ASAP1: variants seen among roughly 807,000 people sequenced by gnomAD.
ASAP1 encodes arf-GAP with SH3 domain, ANK repeat and PH domain-containing protein 1.
Under a neutral mutation model 145.2 loss-of-function variants are expected in ASAP1, and 43 were observed. The observed-to-expected ratio is 0.30, with a 90% CI of 0.23 to 0.38. The LOEUF is 0.38. Among genes scored for constraint, ASAP1 ranks in the 10% least tolerant of loss-of-function variants. The pLI, the probability that ASAP1 is intolerant of heterozygous loss-of-function variation, is 1.00. For synonymous variants in ASAP1, 546 were observed against 515.5 expected (o/e 1.06, Z -0.80); for missense variants, 1,018 against 1,355.3 (o/e 0.75, Z 3.91).
chr8:130,065,881 T>C (rs1167802996), intron 27 of ASAP1, among the ~76,000 whole-genome samples: 4 of 152,188 alleles, frequency 2.6e-5, no homozygotes, highest in East Asian at 1.9e-4. Context: ...TATTGGACCT[T>C]AGGATAAACT....
At chr8:130,354,641 T>G (rs11784041) in intron 3 of ASAP1, among the ~76,000 whole-genome samples, 60,405 of 152,062 alleles carry the variant, frequency 0.4, 12,716 homozygotes, top group African/African-American at 0.53. Flanking sequence ...ACTTAAAAAT[T>G]GTCAAGAGTA....
At chr8:130,080,550 A>C (rs1230917171) in intron 25 of ASAP1, among the ~76,000 whole-genome samples, 2 of 148,440 alleles carry the variant, frequency 1.3e-5, no homozygotes, top group Admixed American at 1.4e-4. Flanking sequence ...ATCATGGCTC[A>C]CTGTAGCCTT....
At chr8:130,235,570 T>C (rs893725699) in intron 4 of ASAP1, among the ~76,000 whole-genome samples, 20 of 152,192 alleles carry the variant, frequency 1.3e-4, no homozygotes, top group African/African-American at 4.6e-4. Context: ...AGTTATAAAT[T>C]AGGTATATAA....
intron 3 of ASAP1, among the ~76,000 whole-genome samples, chr8:130,243,842 C>T (rs1818690292): frequency 6.6e-6 from 1 of 152,164 alleles, no homozygotes. Flanking sequence ...CTAGGAAGAA[C>T]TAACACTCTC....
chr8:130,349,042 A>G (rs2138022929), intron 3 of ASAP1, among the ~76,000 whole-genome samples: 1 of 152,358 alleles, frequency 6.6e-6, no homozygotes, highest in Non-Finnish European at 1.5e-5. Context: ...ATGGGCAATG[A>G]GGTTGCACTG....
At position 130,054,598 on chromosome 8, in the gene ASAP1, T is replaced by A. The variant is rs1015819774; in HGVS notation, c.*133A>T. The A allele has an allele frequency of 1.4e-6, 1 of 721,848 alleles. No homozygotes were observed. The highest frequency in any genetic ancestry group is 2.1e-5 in the Admixed American group (1 of 47,748). The allele number at this position is 721,848 out of a possible 1,614,324, so 44.7% of individuals were successfully genotyped here. On this transcript the variant is annotated 3_prime_UTR_variant, in exon 30 of 30. Coordinates refer to ENST00000518721, the MANE Select transcript of ASAP1 (RefSeq NM_018482.4). Reference sequence around the variant, plus strand: ...CAGGATATTTACAACACACATTATATCCCCCTCCTGAGGTGGCCCTTCCAT... The same window carrying A: ...CAGGATATTTACAACACACATTATAACCCCCTCCTGAGGTGGCCCTTCCAT...
chr8:130,429,680 G>A (rs1830069818), intron 1 of ASAP1, among the ~76,000 whole-genome samples: 1 of 152,076 alleles, frequency 6.6e-6, no homozygotes, highest in African/African-American at 2.4e-5. Flanking sequence ...CTTTCTTCAA[G>A]CTGGAAGTTT....
At chr8:130,296,945 G>A (rs1468116739) in intron 3 of ASAP1, among the ~76,000 whole-genome samples, 2 of 151,958 alleles carry the variant, frequency 1.3e-5, no homozygotes. Context: ...TTTTTGGGGG[G>A]CTAAGTGGAT....
At chr8:130,223,144 A>G (rs1817393136) in intron 4 of ASAP1, among the ~76,000 whole-genome samples, 2 of 152,230 alleles carry the variant, frequency 1.3e-5, no homozygotes, top group African/African-American at 4.8e-5. Flanking sequence ...ACAAAGGATT[A>G]TTTCTACTTA....
intron 27 of ASAP1, among the ~76,000 whole-genome samples, chr8:130,070,830 GGAGAGAGA>G (rs1253763256): frequency 7.0e-4 from 18 of 25,884 alleles, no homozygotes; most frequent in Non-Finnish European, 4.3e-4. Context: ...AGGGAGAGAG[GGAGAGAGA>G]GGGAGAGAGG....
chr8:130,358,298 G>T lies in ASAP1; in HGVS notation c.60-155C>A, dbSNP rs998978674. Among the ~76,000 whole-genome samples the T allele has an allele frequency of 1.3e-3, 189 of 150,022 alleles. 1 individual carries two copies. The highest frequency in any genetic ancestry group is 2.4e-3 in the Non-Finnish European group (161 of 67,202). ...CGGCTCCCGTCCCCGGCAGCGGCGA[G>T]AGGGAGGGAAGGAGGCGGGCGAAGG... On this transcript the variant is annotated intron_variant, in intron 2 of 29. Coordinates refer to ENST00000518721, the MANE Select transcript of ASAP1 (RefSeq NM_018482.4). The surrounding 1 kb of genome is among the most constrained non-coding windows in gnomAD (Gnocchi z 4.1).
chr8:130,169,677 T>C (rs1179305423), intron 9 of ASAP1, among the ~76,000 whole-genome samples: 1 of 152,240 alleles, frequency 6.6e-6, no homozygotes, highest in African/African-American at 2.4e-5. Context: ...TTAATATCTG[T>C]GGAGCATTTA....
intron 3 of ASAP1, among the ~76,000 whole-genome samples, chr8:130,278,104 AG>A (rs1345563635): frequency 6.6e-6 from 1 of 152,122 alleles, no homozygotes; most frequent in Non-Finnish European, 1.5e-5. Context: ...GCCTTATAAA[AG>A]TTATGTAAAT....
At chr8:130,148,162 C>T (rs908517200) in intron 13 of ASAP1, among the ~76,000 whole-genome samples, 1 of 152,154 alleles carries the variant, frequency 6.6e-6, no homozygotes, top group African/African-American at 2.4e-5. Context: ...AGCAGTTCCA[C>T]TGCAAAGAAC....
At chr8:130,055,153 G>C (rs983584287) in intron 29 of ASAP1, among the ~76,000 whole-genome samples, 1 of 152,182 alleles carries the variant, frequency 6.6e-6, no homozygotes, top group South Asian at 2.1e-4. Context: ...CAGGCGTGGG[G>C]CTCTAGAGTC....
chr8:130,242,374 G>A lies in ASAP1; in HGVS notation c.187-5380C>T, dbSNP rs550107616. 7.4e-5 allele frequency among the ~76,000 whole-genome samples: 11 copies of A among 147,814 alleles called. No individual in the cohort carries two copies. In the South Asian group the frequency reaches 1.9e-3, roughly 26 times the overall value. ...TATTCAGAGAGGTCATTTAAAAAAT[G>A]CTTTTTAATGGATGCATTTGTCCCA... On this transcript the variant is annotated intron_variant, in intron 3 of 29. Transcript: ENST00000518721.
chr8:130,342,104 T>C (rs895760409), intron 3 of ASAP1, among the ~76,000 whole-genome samples: 30 of 152,280 alleles, frequency 2.0e-4, no homozygotes, highest in South Asian at 1.0e-3. Flanking sequence ...AAAGTGTCGG[T>C]CCTGAGCCAG....
intron 26 of ASAP1, among the ~76,000 whole-genome samples, chr8:130,076,785 G>A (rs969966825): frequency 1.3e-5 from 2 of 152,170 alleles, no homozygotes; most frequent in Non-Finnish European, 2.9e-5. Context: ...CTTCCAAAGT[G>A]CTGGGATTAC....
chr8:130,387,615 C>T (rs751041462), intron 2 of ASAP1, among the ~76,000 whole-genome samples: 1 of 148,422 alleles, frequency 6.7e-6, no homozygotes, highest in Non-Finnish European at 1.5e-5. Flanking sequence ...GTCTAATGTA[C>T]CACTACACTC....
Sources: gnomAD v4.1 joint callset for allele counts (sites outside exome capture counted in the v4.1 genomes callset) on GRCh38, gnomAD v4.1.1 for gene constraint, Gnocchi (gnomAD v3.1) non-coding constraint, MANE v1.5 for transcripts, NCBI Gene and HGNC (gene_info 2026-07-23, HGNC 2026-07-21) for gene names.